The following TMEM117 variants were observed in gnomAD, a reference collection of about 807,000 sequenced individuals.
TMEM117 encodes transmembrane protein 117.
In TMEM117, 27 loss-of-function variants were observed where a neutral mutation model predicts 52.4. The ratio of observed to expected loss-of-function variants is 0.51; its 90% CI spans 0.38 to 0.71. The LOEUF (loss-of-function observed/expected upper bound fraction) is 0.71, where lower values mean the gene tolerates loss of function less well. TMEM117 is among the 30% of genes least tolerant of loss of function. The probability of loss-of-function intolerance (pLI) is 0.00; values close to 1 mark genes in which losing one functional copy is unlikely to be tolerated. For missense variants in TMEM117, 556 were observed against 630.5 expected, an observed-to-expected ratio of 0.88 and a Z score of 1.26; for synonymous variants, 215 against 206.3, an observed-to-expected ratio of 1.04 and a Z score of -0.36.
intron 3 of TMEM117, among the ~76,000 whole-genome samples, chr12:44,090,541 G>C (rs1375971717): frequency 6.6e-6 from 1 of 151,728 alleles, no homozygotes; most frequent in Admixed American, 6.6e-5. Context: ...GGCTCAGGCA[G>C]TTCTACTGCC....
chr12:44,311,867 G>T lies in TMEM117; in HGVS notation c.768+12128G>T, dbSNP rs59053541. Reference sequence around the variant, plus strand: ...TATATATGTATATATGTATATATATGTATATATATGTATATATGTATATAT... The same window carrying T: ...TATATATGTATATATGTATATATATTTATATATATGTATATATGTATATAT... On this transcript the variant is annotated intron_variant, in intron 6 of 7. Coordinates refer to ENST00000266534, the MANE Select transcript of TMEM117 (RefSeq NM_032256.3). Among the ~76,000 whole-genome samples, 4 of 112,456 alleles carry T rather than the reference G, an allele frequency of 3.6e-5. No homozygotes were observed. In the East Asian group the frequency reaches 8.6e-4, roughly 24 times the overall value. The allele number at this position is 112,456 out of a possible 152,430, so 73.8% of individuals were successfully genotyped here. A position where few individuals can be genotyped will look rare whatever the true frequency, so the allele number is the denominator to read the frequency against.
intron 5 of TMEM117, among the ~76,000 whole-genome samples, chr12:44,217,939 C>T (rs540532896): frequency 6.6e-6 from 1 of 152,084 alleles, no homozygotes; most frequent in East Asian, 1.9e-4. Context: ...ACTAGCAAAC[C>T]AGGCTGGGGT....
intron 4 of TMEM117, among the ~76,000 whole-genome samples, chr12:44,207,634 CATTT>C (rs1350671731): frequency 1.2e-4 from 19 of 152,052 alleles, no homozygotes; most frequent in African/African-American, 4.1e-4. Flanking sequence ...ACTCTAAATT[CATTT>C]GTGTGTTGTA....
At chr12:44,104,453 A>G (rs1445782842) in intron 3 of TMEM117, among the ~76,000 whole-genome samples, 1 of 151,700 alleles carries the variant, frequency 6.6e-6, no homozygotes, top group African/African-American at 2.4e-5. Context: ...AGCACCTACC[A>G]TTTGCTCGCT....
At chr12:44,097,598 A>T (rs1176695125) in intron 3 of TMEM117, among the ~76,000 whole-genome samples, 1 of 151,918 alleles carries the variant, frequency 6.6e-6, no homozygotes, top group African/African-American at 2.4e-5. Context: ...CATCATTCTT[A>T]GCAAACTATT....
Position 44,153,811 on chromosome 12 carries a change from T to G in TMEM117, c.510+10187T>G, listed in dbSNP as rs151005040. ...TAAATGTGTTTTAACCATATTTAGT[T>G]AAACATCAGAAAGAGATTTATAGCA... On this transcript the variant is annotated intron_variant, in intron 4 of 7. Transcript: ENST00000266534. Among the ~76,000 whole-genome samples, 724 of 152,186 alleles carry G rather than the reference T, an allele frequency of 4.8e-3. 4 individuals are homozygous for G. The highest frequency in any genetic ancestry group is 0.016 in the African/African-American group (660 of 41,554).
At chr12:43,920,397 A>G (rs188755236) in intron 2 of TMEM117, among the ~76,000 whole-genome samples, 11 of 151,942 alleles carry the variant, frequency 7.2e-5, no homozygotes, top group African/African-American at 2.7e-4. Flanking sequence ...CCTGTAGTCC[A>G]AGCTACTCTG....
chr12:43,970,276 A>G (rs996740480), intron 3 of TMEM117, among the ~76,000 whole-genome samples: 1 of 133,060 alleles, frequency 7.5e-6, no homozygotes, highest in African/African-American at 2.8e-5. Context: ...GCTCTCCTTT[A>G]TTTATTTATT....
intron 2 of TMEM117, among the ~76,000 whole-genome samples, chr12:43,881,293 A>G (rs747971468): frequency 6.6e-6 from 1 of 152,204 alleles, no homozygotes; most frequent in Non-Finnish European, 1.5e-5. Context: ...TTATTTTCAT[A>G]TGATATTTAG....
chr12:43,860,270 CATTTGCAAAGTACAGGAGCCTTAATG>C (rs796466546), intron 2 of TMEM117, among the ~76,000 whole-genome samples: 146 of 152,158 alleles, frequency 9.6e-4, no homozygotes, highest in African/African-American at 3.3e-3. Flanking sequence ...TAATTTGTCT[CATTTGCAAAGTACAGGAGCCTTAATG>C]ATATAGGACT....
chr12:44,229,453 TC>T (rs1426979293), intron 5 of TMEM117, among the ~76,000 whole-genome samples: 1 of 152,060 alleles, frequency 6.6e-6, no homozygotes, highest in Non-Finnish European at 1.5e-5. Context: ...TGATCACAGT[TC>T]CACAGTAGCT....
chr12:44,179,961 G>A (rs1749048920), intron 4 of TMEM117, among the ~76,000 whole-genome samples: 1 of 152,054 alleles, frequency 6.6e-6, no homozygotes, highest in African/African-American at 2.4e-5. Context: ...TGGTAGCTCT[G>A]CCACCCCTTA....
At chr12:44,317,342 G>A (rs926089880) in intron 6 of TMEM117, among the ~76,000 whole-genome samples, 9 of 150,282 alleles carry the variant, frequency 6.0e-5, no homozygotes, top group Non-Finnish European at 1.2e-4. Context: ...CCTAGTGGGT[G>A]TAACTGTAAA....
chr12:43,805,982 T>C, the TMEM117 span: 14 of 1,539,712 alleles, frequency 9.1e-6, no homozygotes, highest in Non-Finnish European at 1.0e-5. Context: ...TTTCCTTCGC[T>C]CCCCCGAATT....
At chr12:44,174,918 C>T (rs1221927998) in intron 4 of TMEM117, among the ~76,000 whole-genome samples, 1 of 152,112 alleles carries the variant, frequency 6.6e-6, no homozygotes, top group African/African-American at 2.4e-5. Context: ...TGGCAACGGG[C>T]ACGGAGTCTC....
At chr12:44,119,623 AC>A (rs1373007136) in intron 3 of TMEM117, among the ~76,000 whole-genome samples, 3 of 151,986 alleles carry the variant, frequency 2.0e-5, no homozygotes, top group Non-Finnish European at 4.4e-5. Flanking sequence ...TAGTGTGGTG[AC>A]TCACACCCCA....
At chr12:44,350,647 C>T (rs1211065755) in intron 6 of TMEM117, among the ~76,000 whole-genome samples, 1 of 151,976 alleles carries the variant, frequency 6.6e-6, no homozygotes, top group Non-Finnish European at 1.5e-5. Context: ...GCTTATTTCA[C>T]TTAACATAAT....
At chr12:43,825,149 A>C in the TMEM117 span, among the ~76,000 whole-genome samples, 6 of 152,232 alleles carry the variant, frequency 3.9e-5, no homozygotes, top group Non-Finnish European at 8.8e-5. Flanking sequence ...AGTGAAATCT[A>C]CTGGTTTTTA....
chr12:44,250,232 G>GA (rs201300093), intron 5 of TMEM117, among the ~76,000 whole-genome samples: 9,300 of 152,198 alleles, frequency 0.061, 361 homozygotes, highest in African/African-American at 0.11. Context: ...ACAAACATAT[G>GA]AAAAAAGCTC....
Sources: allele counts gnomAD v4.1 joint callset (sites outside exome capture counted in the v4.1 genomes callset), GRCh38; gene constraint gnomAD v4.1.1; transcripts MANE v1.5; gene names NCBI Gene and HGNC (gene_info 2026-07-23, HGNC 2026-07-21).